Variants in RTKN2 observed in about 807,000 individuals in gnomAD.
RTKN2 encodes the protein rhotekin-2.
RTKN2 carries 69 observed loss-of-function variants against 71.5 expected under a neutral mutation model. The observed-to-expected ratio is 0.96, with a 90% confidence interval of 0.79 to 1.18. The LOEUF (loss-of-function observed/expected upper bound fraction) is 1.18. RTKN2 is among the 50% of genes most tolerant of loss of function. The pLI is 0.00. For missense variants in RTKN2, 724 were observed against 719.7 expected (o/e 1.01, Z -0.07); for synonymous variants, 236 against 236.5 (o/e 1.00, Z 0.02).
chr10:62,208,614 G>A (rs1361295906), intron 9 of RTKN2, among the ~76,000 whole-genome samples: 1 of 152,074 alleles, frequency 6.6e-6, no homozygotes, highest in Non-Finnish European at 1.5e-5. Context: ...GTGAAAGATG[G>A]TAGGAAACCA....
At chr10:62,217,608 C>T (rs1447484647) in intron 8 of RTKN2, among the ~76,000 whole-genome samples, 1 of 152,130 alleles carries the variant, frequency 6.6e-6, no homozygotes, top group Non-Finnish European at 1.5e-5. Flanking sequence ...ATTATAAAAA[C>T]AATTCTGTAT....
intron 10 of RTKN2, 39 bp downstream of exon 10, chr10:62,204,818 C>A: frequency 6.9e-7 from 1 of 1,452,626 alleles, no homozygotes; most frequent in Non-Finnish European, 9.3e-7. Context: ...TTTTAGGCTA[C>A]ATAAATACAC....
chr10:62,256,908 A>T (rs959298228), intron 2 of RTKN2, among the ~76,000 whole-genome samples: 2 of 152,158 alleles, frequency 1.3e-5, no homozygotes, highest in East Asian at 1.9e-4. Context: ...ATGAACAGAC[A>T]CTTAGACCAA....
intron 6 of RTKN2, among the ~76,000 whole-genome samples, chr10:62,233,818 A>G (rs1176847714): frequency 6.6e-6 from 1 of 152,180 alleles, no homozygotes; most frequent in Non-Finnish European, 1.5e-5. Context: ...TTAAATTCTG[A>G]TGACTGGCAT....
Position 62,268,631 on chromosome 10 carries a change from G to A in RTKN2, c.-21C>T, listed in dbSNP as rs1262514514. 3 of 1,551,446 alleles carry A rather than the reference G, an allele frequency of 1.9e-6. No homozygotes were observed. The highest frequency in any genetic ancestry group is 1.4e-5 in the African/African-American group (1 of 73,120). ...TCCATCTCCAACGCGAACTGTCCGG[G>A]CCGTCGCCACTCCTTCAAAGGGAAG... On this transcript the variant is annotated 5_prime_UTR_variant, in exon 1 of 12. Coordinates refer to ENST00000373789, the MANE Select transcript of RTKN2 (RefSeq NM_145307.4).
intron 3 of RTKN2, among the ~76,000 whole-genome samples, chr10:62,241,556 G>C (rs796584363): frequency 2.0e-5 from 3 of 152,108 alleles, no homozygotes; most frequent in African/African-American, 7.2e-5. Flanking sequence ...TTACTGTCTA[G>C]CTAAATACCA....
At position 62,217,269 on chromosome 10, in the gene RTKN2, A is replaced by G; in HGVS notation, c.889-20T>C. ...CATTTGCTGAAAAAAAAAAAAAAAA[A>G]ATCAAGAGACTATCAATTTTAAGTT... On this transcript the variant is annotated intron_variant, in intron 8 of 11. Coordinates refer to ENST00000373789, the MANE Select transcript of RTKN2 (RefSeq NM_145307.4). 1 of 1,490,624 alleles carries G rather than the reference A, an allele frequency of 6.7e-7. No individual in the cohort carries two copies. The allele number at this position is 1,490,624 out of a possible 1,614,324, so 92.3% of individuals were successfully genotyped here.
At chr10:62,254,733 A>T (rs570777848) in intron 2 of RTKN2, among the ~76,000 whole-genome samples, 25 of 152,318 alleles carry the variant, frequency 1.6e-4, no homozygotes, top group Middle Eastern at 3.4e-3. Flanking sequence ...TGAGGCCAGG[A>T]GTTCAAGATC....
At chr10:62,216,808 T>A (rs942455181) in intron 9 of RTKN2, among the ~76,000 whole-genome samples, 2 of 152,106 alleles carry the variant, frequency 1.3e-5, no homozygotes, top group African/African-American at 2.4e-5. Context: ...GAGCTAACAA[T>A]TTATGTTTAA....
chr10:62,193,462 T>A lies in RTKN2; in HGVS notation c.*4446A>T, dbSNP rs1418987174. On this transcript the variant is annotated 3_prime_UTR_variant, in exon 12 of 12. Transcript: ENST00000373789. The stretch of plus-strand genomic sequence containing the variant: ...AAATTTCTGTAACTTTTTTTGTTGT[T>A]AATTGAATGTAAAGGTAGTTTGTTT... The A allele has an allele frequency of 1.4e-5, 14 of 982,322 alleles. No individual in the cohort carries two copies. Among genetic ancestry groups the A allele is most frequent in the Non-Finnish European group, 1.7e-5 (14 of 827,186 alleles). 60.9% of individuals were successfully genotyped at this position (982,322 alleles called of 1,614,324 possible). A position where few individuals can be genotyped will look rare whatever the true frequency, so the allele number is the denominator to read the frequency against.
chr10:62,239,515 T>A, intron 5 of RTKN2, 133 bp downstream of exon 5: 1 of 473,588 alleles, frequency 2.1e-6, no homozygotes, highest in South Asian at 4.1e-5. Flanking sequence ...ATTTTTAAAA[T>A]CATATTAAAC....
chr10:62,266,948 A>G (rs1208976064), intron 1 of RTKN2, among the ~76,000 whole-genome samples: 4 of 152,244 alleles, frequency 2.6e-5, no homozygotes, highest in African/African-American at 7.2e-5. Flanking sequence ...GGAGTCGCAG[A>G]GGACTCCAGG....
At position 62,193,527 on chromosome 10, in the gene RTKN2, AT is replaced by A; in HGVS notation, c.*4380del. On this transcript the variant is annotated 3_prime_UTR_variant, in exon 12 of 12. Coordinates refer to ENST00000373789, the MANE Select transcript of RTKN2 (RefSeq NM_145307.4). Reference sequence around the variant, plus strand: ...ATTAGTAGGCCTCTCTCTGTAAAGTATTTTTTTAATTTTAAATATTTCTGAT... The same window carrying A: ...ATTAGTAGGCCTCTCTCTGTAAAGTATTTTTTAATTTTAAATATTTCTGAT... 1 of 981,592 alleles carries A rather than the reference AT, an allele frequency of 1.0e-6. No individual in the cohort carries two copies. Among genetic ancestry groups the A allele is most frequent in the Non-Finnish European group, 1.2e-6 (1 of 826,460 alleles). The allele number at this position is 981,592 out of a possible 1,614,324, so 60.8% of individuals were successfully genotyped here.
rs115205197 is a variant in RTKN2 at position 62,224,228 on chromosome 10, C to G, written c.687-896G>C. Among the ~76,000 whole-genome samples, 528 of 151,918 alleles carry G rather than the reference C, an allele frequency of 3.5e-3. 2 individuals are homozygous for G. Among genetic ancestry groups the G allele is most frequent in the African/African-American group, 0.011 (445 of 41,430 alleles). On this transcript the variant is annotated intron_variant, in intron 6 of 11. Transcript: ENST00000373789. ...TTAGTGTTCAATAGGTACAGAATTTCAGCTTGAGAAGATGAAAAACTTCTG... is the reference window on the plus strand; with the variant it reads ...TTAGTGTTCAATAGGTACAGAATTTGAGCTTGAGAAGATGAAAAACTTCTG...
chr10:62,262,819 G>A lies in RTKN2; in HGVS notation c.63C>T (p.Asp21=). The A allele has an allele frequency of 6.3e-7, 1 of 1,591,404 alleles. No individual in the cohort carries two copies. The highest frequency in any genetic ancestry group is 8.6e-7 in the Non-Finnish European group (1 of 1,168,602). Residue 21 remains aspartate, a splice_region_variant and synonymous_variant, in exon 2 of 12, where the codon GAC becomes GAT. Transcript: ENST00000373789. ...AGTCTATTTTTTCTTGAATGTTGCA[G>A]TCCTAAAAAAAAAATGCATCTTGAA... ...LRLAGLPTQQ[D]CNIQEKIDLE... is the part of the protein sequence containing the mutation.
intron 3 of RTKN2, among the ~76,000 whole-genome samples, chr10:62,245,761 C>T (rs1842466481): frequency 6.6e-6 from 1 of 152,142 alleles, no homozygotes; most frequent in South Asian, 2.1e-4. Context: ...ACCTATTTTA[C>T]AAGACTGCAC....
chr10:62,226,366 A>G (rs1842024159), intron 6 of RTKN2, among the ~76,000 whole-genome samples: 1 of 152,228 alleles, frequency 6.6e-6, no homozygotes, highest in Non-Finnish European at 1.5e-5. Context: ...ATGCACTTCA[A>G]TAAATAATAG....
intron 9 of RTKN2, among the ~76,000 whole-genome samples, chr10:62,210,321 G>A (rs2132851216): frequency 1.3e-5 from 2 of 152,260 alleles, no homozygotes; most frequent in African/African-American, 4.8e-5. Flanking sequence ...CAAGTAAAAT[G>A]ATATGGTCTC....
chr10:62,260,300 T>C (rs753701134), intron 2 of RTKN2, among the ~76,000 whole-genome samples: 2 of 152,242 alleles, frequency 1.3e-5, no homozygotes, highest in Non-Finnish European at 2.9e-5. Flanking sequence ...TCAGTATATC[T>C]GCATAATTTA....
Sources: gnomAD v4.1 joint callset for allele counts (sites outside exome capture counted in the v4.1 genomes callset) on GRCh38, gnomAD v4.1.1 for gene constraint, MANE v1.5 for transcripts, NCBI Gene and HGNC (gene_info 2026-07-23, HGNC 2026-07-21) for gene names.